Variants in DPP6 observed in about 807,000 individuals in gnomAD.
DPP6 encodes A-type potassium channel modulatory protein DPP6.
A neutral mutation model predicts 122.6 loss-of-function variants in DPP6; 69 were observed. That is an observed-to-expected ratio of 0.56 (90% CI 0.46 to 0.69). DPP6 has a LOEUF of 0.69. Ranked by LOEUF, DPP6 falls within the 30% of genes least tolerant of loss-of-function variation. DPP6 has a pLI of 0.00. For synonymous variants in DPP6, 418 were observed against 433.1 expected (o/e 0.97, Z 0.43); for missense variants, 928 against 1,116.9 (o/e 0.83, Z 2.41).
In DPP6 at chr7:154,703,740, T is replaced by C. The variant is rs1048850241; in HGVS notation, c.763-24027T>C. ...ATCATGAGGTCAGGAATCGACACCATCCTGGCTAACACCGTGAAACCCCGT... is the reference window on the plus strand; with the variant it reads ...ATCATGAGGTCAGGAATCGACACCACCCTGGCTAACACCGTGAAACCCCGT... On this transcript the variant is annotated intron_variant, in intron 7 of 25. Transcript: ENST00000377770. 8.6e-5 allele frequency among the ~76,000 whole-genome samples: 13 copies of C among 151,844 alleles called. 1 individual carries two copies. Among genetic ancestry groups the C allele is most frequent in the African/African-American group, 3.1e-4 (13 of 41,412 alleles).
At chr7:154,622,538 T>C (rs1163687380) in intron 5 of DPP6, among the ~76,000 whole-genome samples, 3 of 152,160 alleles carry the variant, frequency 2.0e-5, no homozygotes, top group East Asian at 3.9e-4. Flanking sequence ...ATCAGAAGAC[T>C]TGATTCTTCC....
intron 19 of DPP6, among the ~76,000 whole-genome samples, chr7:154,874,125 A>T (rs1804652441): frequency 6.6e-6 from 1 of 150,706 alleles, no homozygotes; most frequent in Non-Finnish European, 1.5e-5. Context: ...ACAGACCCAC[A>T]CACCCCACAC....
intron 1 of DPP6, among the ~76,000 whole-genome samples, chr7:154,362,745 T>C (rs889515314): frequency 4.6e-5 from 7 of 152,036 alleles, no homozygotes; most frequent in Non-Finnish European, 1.0e-4. Flanking sequence ...TTTAAATCCT[T>C]CTAGAAGGTA....
intron 1 of DPP6, among the ~76,000 whole-genome samples, chr7:154,178,719 T>C (rs1797931512): frequency 6.6e-6 from 1 of 152,198 alleles, no homozygotes; most frequent in Admixed American, 6.5e-5. Context: ...ACATCCCTGC[T>C]CAGAGATGAT....
intron 1 of DPP6, among the ~76,000 whole-genome samples, chr7:153,917,677 C>T (rs1421168274): frequency 4.6e-5 from 7 of 152,140 alleles, no homozygotes; most frequent in African/African-American, 1.2e-4. Context: ...AGCACCTTCT[C>T]GAAGATTCAA....
chr7:154,772,416 A>T (rs1796302463), intron 9 of DPP6, among the ~76,000 whole-genome samples: 1 of 152,108 alleles, frequency 6.6e-6, no homozygotes, highest in South Asian at 2.1e-4. Flanking sequence ...ATAGTGCCCC[A>T]GTTCCTTTTT....
chr7:154,305,569 GGTCCGTGTGTGTGTGTGTGC>G, intron 1 of DPP6: 1 of 1,590,722 alleles, frequency 6.3e-7, no homozygotes, highest in African/African-American at 1.4e-5. Flanking sequence ...TGCTTTTGGG[GGTCCGTGTGTGTGTGTGTGC>G]GTGCGTGTGC....
intron 1 of DPP6, among the ~76,000 whole-genome samples, chr7:154,315,037 T>C (rs1022889096): frequency 2.0e-5 from 3 of 152,238 alleles, no homozygotes; most frequent in African/African-American, 7.2e-5. Flanking sequence ...TTCGTAGCAA[T>C]CTGTCATATT....
rs138835404 is a variant in DPP6, at chr7:154,876,179, G to A, written c.2078+79G>A. On this transcript the variant is annotated intron_variant, in intron 20 of 25. Transcript: ENST00000377770. ...GGGGGCAGCACCGCAGTCACAGTGC[G>A]GGAATGCTTTTTCTCCACGCACACA... is the stretch of plus-strand genomic sequence containing the variant. 4.8e-5 allele frequency: 68 copies of A among 1,431,316 alleles called. No homozygotes were observed. In the East Asian group the frequency reaches 1.3e-3, roughly 26 times the overall value. The allele number at this position is 1,431,316 out of a possible 1,614,324, so 88.7% of individuals were successfully genotyped here.
intron 1 of DPP6, among the ~76,000 whole-genome samples, chr7:154,443,065 A>C (rs1279134910): frequency 6.6e-6 from 1 of 152,068 alleles, no homozygotes; most frequent in East Asian, 1.9e-4. Flanking sequence ...CCCACTCCTC[A>C]GAACAGTCAC....
the DPP6 span, among the ~76,000 whole-genome samples, chr7:153,851,219 C>T: frequency 6.6e-6 from 1 of 152,128 alleles, no homozygotes; most frequent in Non-Finnish European, 1.5e-5. Context: ...GAATTCTAAG[C>T]TGAGAATTTA....
intron 17 of DPP6, among the ~76,000 whole-genome samples, 177 bp from the exon 18 acceptor site, chr7:154,867,818 C>T (rs190827318): frequency 8.7e-4 from 132 of 152,176 alleles, no homozygotes; most frequent in African/African-American, 2.9e-3. Flanking sequence ...GGCTTTTGAG[C>T]GCATAACTTG....
chr7:154,522,474 A>C (rs6956919), intron 3 of DPP6, among the ~76,000 whole-genome samples: 1 of 151,894 alleles, frequency 6.6e-6, no homozygotes, highest in Non-Finnish European at 1.5e-5. Flanking sequence ...AAGCTGGGAA[A>C]TCTCCAGGTC....
chr7:154,778,449 A>G (rs1796719201), intron 10 of DPP6, among the ~76,000 whole-genome samples: 1 of 151,820 alleles, frequency 6.6e-6, no homozygotes, highest in South Asian at 2.1e-4. Context: ...TCTCTTTCCA[A>G]TTTATACAAA....
chr7:154,015,813 C>T (rs1798377745), intron 1 of DPP6, among the ~76,000 whole-genome samples: 1 of 152,084 alleles, frequency 6.6e-6, no homozygotes, highest in African/African-American at 2.4e-5. Flanking sequence ...GTCCCTGCTT[C>T]CACTCCCCCT....
At chr7:153,826,663 C>A in the DPP6 span, among the ~76,000 whole-genome samples, 1 of 152,090 alleles carries the variant, frequency 6.6e-6, no homozygotes, top group Non-Finnish European at 1.5e-5. Context: ...TATTATCACC[C>A]TGATTAAAAA....
intron 1 of DPP6, among the ~76,000 whole-genome samples, chr7:154,021,637 C>T (rs1450838102): frequency 2.6e-5 from 4 of 152,128 alleles, no homozygotes; most frequent in Non-Finnish European, 4.4e-5. Flanking sequence ...TGAAGGACCA[C>T]CATTTCCCTC....
At chr7:154,803,665 G>T (rs1014557917) in intron 13 of DPP6, among the ~76,000 whole-genome samples, 199 bp from the exon 14 acceptor site, 10 of 152,202 alleles carry the variant, frequency 6.6e-5, no homozygotes, top group Admixed American at 5.2e-4. Flanking sequence ...CGGGGAGGCT[G>T]CGGGCCTGGG....
chr7:154,109,325 C>G (rs1425432823), intron 1 of DPP6, among the ~76,000 whole-genome samples: 1 of 152,052 alleles, frequency 6.6e-6, no homozygotes, highest in African/African-American at 2.4e-5. Flanking sequence ...CAGTCTTGCT[C>G]TGTTGCCCAG....
Sources: allele counts gnomAD v4.1 joint callset (sites outside exome capture counted in the v4.1 genomes callset), GRCh38; gene constraint gnomAD v4.1.1; transcripts MANE v1.5; gene names NCBI Gene and HGNC (gene_info 2026-07-23, HGNC 2026-07-21).